EHBP1: variants seen among roughly 807,000 people sequenced by gnomAD.
EHBP1 encodes EH domain-binding protein 1.
EHBP1 carries 55 observed loss-of-function variants against 144.0 expected under a neutral mutation model. The observed-to-expected ratio is 0.38, with a 90% CI of 0.31 to 0.48. The LOEUF is 0.48. EHBP1 is among the 20% of genes least tolerant of loss of function. The probability of loss-of-function intolerance (pLI) is 0.98; values close to 1 mark genes in which losing one functional copy is unlikely to be tolerated. For synonymous variants in EHBP1, 469 were observed against 472.7 expected (o/e 0.99, Z 0.10); for missense variants, 1,200 against 1,364.2 (o/e 0.88, Z 1.90).
At chr2:62,909,317 G>T (rs1320746004) in intron 10 of EHBP1, among the ~76,000 whole-genome samples, 1 of 152,072 alleles carries the variant, frequency 6.6e-6, no homozygotes, top group Non-Finnish European at 1.5e-5. Context: ...CGAGTAGCTG[G>T]GACTACAGTT....
chr2:62,749,991 A>G (rs141690391), intron 3 of EHBP1, among the ~76,000 whole-genome samples: 5,401 of 152,076 alleles, frequency 0.036, 138 homozygotes, highest in Non-Finnish European at 0.049. Flanking sequence ...AGTTTAATTA[A>G]GTACCATTTG....
At chr2:62,698,176 C>T (rs1478758893) in intron 1 of EHBP1, among the ~76,000 whole-genome samples, 1 of 152,160 alleles carries the variant, frequency 6.6e-6, no homozygotes, top group Non-Finnish European at 1.5e-5. Flanking sequence ...AACAATATGC[C>T]TCCTATTCTT....
chr2:62,733,269 G>C (rs577507971), intron 2 of EHBP1, among the ~76,000 whole-genome samples: 3 of 152,152 alleles, frequency 2.0e-5, no homozygotes, highest in Admixed American at 6.5e-5. Context: ...ACTGTTTACC[G>C]CAGCTATAGC....
chr2:62,820,078 G>T (rs1175946363), intron 5 of EHBP1, among the ~76,000 whole-genome samples: 1 of 151,946 alleles, frequency 6.6e-6, no homozygotes, highest in African/African-American at 2.4e-5. Context: ...AGGCATGGTG[G>T]CAGGTGCCTG....
At chr2:62,884,060 T>C (rs1299175269) in intron 10 of EHBP1, among the ~76,000 whole-genome samples, 1 of 152,226 alleles carries the variant, frequency 6.6e-6, no homozygotes, top group Non-Finnish European at 1.5e-5. Flanking sequence ...AAAAATGTTA[T>C]TCATTTCTGT....
intron 14 of EHBP1, among the ~76,000 whole-genome samples, chr2:62,969,711 T>G (rs2058410555): frequency 6.6e-6 from 1 of 152,200 alleles, no homozygotes; most frequent in South Asian, 2.1e-4. Flanking sequence ...GGGGCAAACT[T>G]GAGAAAGATT....
intron 13 of EHBP1, among the ~76,000 whole-genome samples, chr2:62,954,720 T>C (rs916439526): frequency 1.3e-5 from 2 of 152,146 alleles, no homozygotes; most frequent in Non-Finnish European, 2.9e-5. Context: ...GTGATACTTA[T>C]GATTGAACCA....
At chr2:62,936,983 G>A (rs185894029) in intron 10 of EHBP1, among the ~76,000 whole-genome samples, 9 of 152,106 alleles carry the variant, frequency 5.9e-5, no homozygotes, top group African/African-American at 1.7e-4. Context: ...TATATGTCTC[G>A]TTACACTGGA....
Position 62,691,921 on chromosome 2 carries a change from C to A in EHBP1, c.-295-14976C>A, listed in dbSNP as rs117388326. Among the ~76,000 whole-genome samples the A allele has an allele frequency of 1.1e-4, 16 of 152,112 alleles. No homozygotes were observed. In the East Asian group the frequency reaches 2.9e-3, roughly 28 times the overall value. On this transcript the variant is annotated intron_variant, in intron 1 of 22. Transcript: ENST00000405015. ...TTAATGGCTTTATTGAGATATAAAT[C>A]AAATACAGTATCTCCTAGTAATAGT... is the stretch of plus-strand genomic sequence containing the variant.
At chr2:62,748,960 TACAG>T (rs764465628) in intron 3 of EHBP1, among the ~76,000 whole-genome samples, 7 of 152,162 alleles carry the variant, frequency 4.6e-5, no homozygotes, top group Non-Finnish European at 8.8e-5. Flanking sequence ...TCTGTAAAGA[TACAG>T]ACTGTTTTAA....
intron 14 of EHBP1, among the ~76,000 whole-genome samples, chr2:62,959,723 C>T (rs374087320): frequency 2.6e-5 from 4 of 152,054 alleles, no homozygotes; most frequent in East Asian, 3.8e-4. Context: ...ACTTTTTAAT[C>T]GGGTTAACAG....
intron 10 of EHBP1, among the ~76,000 whole-genome samples, chr2:62,878,349 G>A (rs1346604739): frequency 6.6e-6 from 1 of 152,042 alleles, no homozygotes; most frequent in Non-Finnish European, 1.5e-5. Context: ...AAAAAGCCTT[G>A]GACTAGACAG....
intron 10 of EHBP1, among the ~76,000 whole-genome samples, chr2:62,900,684 G>GTATATATATATATATATATATATATATA (rs147278087): frequency 3.3e-4 from 47 of 141,474 alleles, no homozygotes; most frequent in African/African-American, 9.8e-4. Context: ...GTGTGTATGT[G>GTATATATATATATATATATATATATATA]TATATATATA....
intron 9 of EHBP1, among the ~76,000 whole-genome samples, chr2:62,868,718 T>C (rs2050232045): frequency 6.6e-6 from 1 of 152,088 alleles, no homozygotes; most frequent in Non-Finnish European, 1.5e-5. Context: ...GAGGCTGTGG[T>C]TGGAGGATCT....
In EHBP1 at chr2:62,932,972, G is replaced by A. The variant is rs548870361; in HGVS notation, c.1186-9746G>A. Reference sequence around the variant, plus strand: ...ATCTCAAAAAAAAAAAAAAAAAAAGGTTAAGATGGTAAATATTATGTGTAT... The same window carrying A: ...ATCTCAAAAAAAAAAAAAAAAAAAGATTAAGATGGTAAATATTATGTGTAT... On this transcript the variant is annotated intron_variant, in intron 10 of 22. Coordinates refer to ENST00000431489, the MANE Select transcript of EHBP1 (RefSeq NM_001142616.3). Among the ~76,000 whole-genome samples, 185 of 150,038 alleles carry A rather than the reference G, an allele frequency of 1.2e-3. 1 individual carries two copies. The highest frequency in any genetic ancestry group is 4.2e-3 in the African/African-American group (173 of 40,984).
At chr2:62,814,384 A>G (rs1219563650) in intron 5 of EHBP1, among the ~76,000 whole-genome samples, 2 of 152,216 alleles carry the variant, frequency 1.3e-5, no homozygotes, top group Non-Finnish European at 2.9e-5. Context: ...TGCCCTCCAG[A>G]GCTGTGAGAA....
At chr2:62,925,883 C>A (rs371840171) in intron 10 of EHBP1, among the ~76,000 whole-genome samples, 1 of 152,024 alleles carries the variant, frequency 6.6e-6, no homozygotes, top group Non-Finnish European at 1.5e-5. Flanking sequence ...TTACATTCTT[C>A]ACAGAAATAG....
chr2:62,790,006 T>C lies in EHBP1; in HGVS notation c.312+18614T>C, dbSNP rs146634113. Reference sequence around the variant, plus strand: ...AAAAATGTTTCTTACACATTGTTTTTCCACATCCTCCTAGTTTTATAGGCC... The same window carrying C: ...AAAAATGTTTCTTACACATTGTTTTCCCACATCCTCCTAGTTTTATAGGCC... On this transcript the variant is annotated intron_variant, in intron 5 of 22. Transcript: ENST00000431489. Among the ~76,000 whole-genome samples the C allele has an allele frequency of 5.1e-4, 78 of 152,334 alleles. 1 individual carries two copies. Among genetic ancestry groups the C allele is most frequent in the South Asian group, 2.3e-3 (11 of 4,826 alleles).
At position 62,928,320 on chromosome 2, in the gene EHBP1, C is replaced by T. The variant is rs191271628; in HGVS notation, c.1186-14398C>T. On this transcript the variant is annotated intron_variant, in intron 10 of 22. Transcript: ENST00000431489. Reference sequence around the variant, plus strand: ...TTTCCTAGGGAGGCGTTGTCCTCTGCCCTAAGGTGACCAAAAACTTTATTC... The same window carrying T: ...TTTCCTAGGGAGGCGTTGTCCTCTGTCCTAAGGTGACCAAAAACTTTATTC... 2.1e-3 allele frequency among the ~76,000 whole-genome samples: 317 copies of T among 152,216 alleles called. 3 individuals carry two copies. Among genetic ancestry groups the T allele is most frequent in the African/African-American group, 6.7e-3 (278 of 41,546 alleles).
Sources: allele counts gnomAD v4.1 joint callset (sites outside exome capture counted in the v4.1 genomes callset), GRCh38; gene constraint gnomAD v4.1.1; transcripts MANE v1.5; gene names NCBI Gene and HGNC (gene_info 2026-07-23, HGNC 2026-07-21).